The following CEP83 variants were observed in gnomAD, a reference collection of about 807,000 sequenced individuals.
CEP83 encodes the protein centrosomal protein 83, also known as centrosomal protein of 83 kDa.
CEP83 carries 70 observed loss-of-function variants against 101.9 expected under a neutral mutation model. The observed-to-expected ratio is 0.69, with a 90% CI of 0.57 to 0.84. The LOEUF is 0.84. Ranked by LOEUF, CEP83 falls within the 40% of genes least tolerant of loss-of-function variation. The probability of loss-of-function intolerance (pLI) is 0.00; values close to 1 mark genes in which losing one functional copy is unlikely to be tolerated. For synonymous variants in CEP83, 264 were observed against 267.9 expected, an observed-to-expected ratio of 0.99 and a Z score of 0.14; for missense variants, 715 against 787.2, an observed-to-expected ratio of 0.91 and a Z score of 1.10.
chr12:94,397,394 A>G (rs1202969493), intron 6 of CEP83, among the ~76,000 whole-genome samples: 1 of 152,160 alleles, frequency 6.6e-6, no homozygotes, highest in East Asian at 1.9e-4. Context: ...GCTACTCGGG[A>G]AACTGAGGCA....
chr12:94,332,802 G>A (rs2059280059), intron 13 of CEP83, among the ~76,000 whole-genome samples: 1 of 152,008 alleles, frequency 6.6e-6, no homozygotes, highest in South Asian at 2.1e-4. Flanking sequence ...AAGAAATACA[G>A]TTTTATGTGG....
chr12:94,349,410 T>G (rs1322996675), intron 11 of CEP83, among the ~76,000 whole-genome samples: 1 of 152,170 alleles, frequency 6.6e-6, no homozygotes, highest in African/African-American at 2.4e-5. Flanking sequence ...TTTTGATTAA[T>G]AAAGATGTGT....
At chr12:94,387,085 T>A (rs1478097257) in intron 6 of CEP83, among the ~76,000 whole-genome samples, 1 of 152,180 alleles carries the variant, frequency 6.6e-6, no homozygotes, top group Non-Finnish European at 1.5e-5. Flanking sequence ...GATCTCTACT[T>A]TTAACCACAC....
rs140256353 is a variant in CEP83, at chr12:94,414,202, C to G, written c.-101-1611G>C. On this transcript the variant is annotated intron_variant, in intron 2 of 16. Transcript: ENST00000397809. ...AGAATGCGCTATCTGTAGCAGCTAC[C>G]ACAAAATTATCCTGCCAAAAGTACA... Among the ~76,000 whole-genome samples, 1,105 of 152,224 alleles carry G rather than the reference C, an allele frequency of 7.3e-3. 14 individuals are homozygous for G. The highest frequency in any genetic ancestry group is 0.025 in the African/African-American group (1,038 of 41,536).
intron 2 of CEP83, among the ~76,000 whole-genome samples, chr12:94,423,275 G>GGTTTCTCCA (rs1469353611): frequency 6.6e-6 from 1 of 151,940 alleles, no homozygotes; most frequent in Non-Finnish European, 1.5e-5. Flanking sequence ...GTAGAGATGG[G>GGTTTCTCCA]GTTTCTCCAT....
intron 3 of CEP83, among the ~76,000 whole-genome samples, chr12:94,412,114 C>T (rs926495472): frequency 1.3e-5 from 2 of 152,064 alleles, no homozygotes; most frequent in African/African-American, 2.4e-5. Flanking sequence ...CAAAATAAGG[C>T]TTATAAATTC....
chr12:94,395,618 T>C (rs536505044), intron 6 of CEP83, among the ~76,000 whole-genome samples: 1 of 152,094 alleles, frequency 6.6e-6, no homozygotes, highest in East Asian at 1.9e-4. Context: ...GGTCAGGAGA[T>C]CAAGACCATC....
chr12:94,275,873 A>AG, the CEP83 span, among the ~76,000 whole-genome samples: 2 of 150,614 alleles, frequency 1.3e-5, no homozygotes, highest in African/African-American at 4.9e-5. Context: ...AAAAAAAAAA[A>AG]AAAAAAAAGA....
chr12:94,303,870 G>A, downstream of CEP83: 1 of 1,609,198 alleles, frequency 6.2e-7, no homozygotes. Context: ...CTCAGAAATG[G>A]AAGAATTTTT....
chr12:94,272,034 T>A, the CEP83 span: 1 of 152,180 alleles, frequency 6.6e-6, no homozygotes, highest in Non-Finnish European at 1.5e-5. Context: ...TGATAACCTG[T>A]GAGAGGCTGA....
intron 12 of CEP83, among the ~76,000 whole-genome samples, 192 bp downstream of exon 12, chr12:94,335,397 A>C (rs1250724147): frequency 6.6e-6 from 1 of 152,058 alleles, no homozygotes; most frequent in Non-Finnish European, 1.5e-5. Context: ...CAGTTAGCCA[A>C]AGAAGCTTAT....
At chr12:94,331,607 C>G (rs1387451372) in intron 14 of CEP83, 93 bp downstream of exon 14, 1 of 1,054,304 alleles carries the variant, frequency 9.5e-7, no homozygotes, top group East Asian at 2.5e-5. Context: ...CTCCTGACCT[C>G]GTGATCCACC....
rs149690864 is a variant in CEP83 at position 94,459,715 on chromosome 12, C to G, written c.-313G>C. On this transcript the variant is annotated 5_prime_UTR_variant, in exon 1 of 17. Coordinates refer to ENST00000397809, the MANE Select transcript of CEP83 (RefSeq NM_016122.3). Reference sequence around the variant, plus strand: ...GGGACTAAGGGTTACGGTCCTACAGCGGGGTGTCGGCCCAGCGAGAGGAAG... The same window carrying G: ...GGGACTAAGGGTTACGGTCCTACAGGGGGGTGTCGGCCCAGCGAGAGGAAG... 4.6e-5 allele frequency: 7 copies of G among 152,610 alleles called. 1 individual carries two copies. Among genetic ancestry groups the G allele is most frequent in the Admixed American group, 2.0e-4 (3 of 15,314 alleles). 9.5% of individuals were successfully genotyped at this position (152,610 alleles called of 1,614,324 possible).
chr12:94,356,079 CG>C (rs1471346254), intron 11 of CEP83, among the ~76,000 whole-genome samples: 1 of 152,142 alleles, frequency 6.6e-6, no homozygotes, highest in African/African-American at 2.4e-5. Flanking sequence ...CGGCAAGTGG[CG>C]CCCATTCATG....
chr12:94,399,846 T>C (rs2063147509), intron 6 of CEP83, among the ~76,000 whole-genome samples: 1 of 152,132 alleles, frequency 6.6e-6, no homozygotes, highest in Admixed American at 6.5e-5. Context: ...TTTTTTAATG[T>C]GAAAAACTAT....
chr12:94,337,703 G>C lies in CEP83; in HGVS notation c.1344-2039C>G, dbSNP rs1419549444. Among the ~76,000 whole-genome samples the C allele has an allele frequency of 2.0e-5, 3 of 152,230 alleles. No individual in the cohort carries two copies. In the East Asian group the frequency reaches 5.8e-4, roughly 29 times the overall value. ...GAGGATAAGTTAAGGCTACATAAAA[G>C]AGATGCAATTTGAACTAGATCTTGA... On this transcript the variant is annotated intron_variant, in intron 11 of 16. Coordinates refer to ENST00000397809, the MANE Select transcript of CEP83 (RefSeq NM_016122.3).
intron 11 of CEP83, among the ~76,000 whole-genome samples, chr12:94,366,365 G>A (rs934971608): frequency 2.0e-5 from 3 of 152,016 alleles, no homozygotes; most frequent in African/African-American, 7.3e-5. Context: ...TATACTCTAA[G>A]GCTAAAGATA....
chr12:94,437,773 C>G (rs1392287420), intron 1 of CEP83, among the ~76,000 whole-genome samples: 1 of 152,110 alleles, frequency 6.6e-6, no homozygotes, highest in African/African-American at 2.4e-5. Context: ...AAAATAGAAC[C>G]TTTCTTAAAG....
intron 6 of CEP83, among the ~76,000 whole-genome samples, chr12:94,388,393 T>C (rs910056197): frequency 1.3e-5 from 2 of 151,976 alleles, no homozygotes; most frequent in South Asian, 4.1e-4. Flanking sequence ...TGACTACATA[T>C]GGACATAAAG....
Sources: gnomAD v4.1 joint callset for allele counts (sites outside exome capture counted in the v4.1 genomes callset) on GRCh38, gnomAD v4.1.1 for gene constraint, MANE v1.5 for transcripts, NCBI Gene and HGNC (gene_info 2026-07-23, HGNC 2026-07-21) for gene names.